Variants in WDFY3 observed in about 807,000 individuals in gnomAD.
WDFY3 encodes WD repeat and FYVE domain containing 3.
A neutral mutation model predicts 409.6 loss-of-function variants in WDFY3; 66 were observed. The ratio of observed to expected loss-of-function variants is 0.16; its 90% CI spans 0.13 to 0.20. The LOEUF (loss-of-function observed/expected upper bound fraction) is 0.20, where lower values mean the gene tolerates loss of function less well. Among genes scored for constraint, WDFY3 ranks in the 10% least tolerant of loss-of-function variants. The probability of loss-of-function intolerance (pLI) is 1.00; values close to 1 mark genes in which losing one functional copy is unlikely to be tolerated. For missense variants in WDFY3, 3,031 were observed against 4,298.1 expected (o/e 0.71, Z 8.24); for synonymous variants, 1,521 against 1,537.1 (o/e 0.99, Z 0.25).
chr4:84,947,251 G>A (rs1772974993), intron 1 of WDFY3, among the ~76,000 whole-genome samples: 3 of 151,346 alleles, frequency 2.0e-5, no homozygotes, highest in African/African-American at 7.3e-5. Context: ...AGTGACTTAT[G>A]CCTGTAATCC....
chr4:84,738,882 T>C, intron 40 of WDFY3, 128 bp downstream of exon 40: 2 of 773,788 alleles, frequency 2.6e-6, no homozygotes, highest in African/African-American at 1.7e-5. Flanking sequence ...ACTCTTTATG[T>C]ATAGGTTGCC....
chr4:84,934,545 T>A (rs754059063), intron 1 of WDFY3, among the ~76,000 whole-genome samples: 1 of 152,142 alleles, frequency 6.6e-6, no homozygotes, highest in Non-Finnish European at 1.5e-5. Flanking sequence ...ACAAGATAAT[T>A]CTAGTGAAAT....
At chr4:84,677,079 A>G (rs1437777495) in intron 67 of WDFY3, 120 bp downstream of exon 67, 2 of 1,160,110 alleles carry the variant, frequency 1.7e-6, no homozygotes, top group Admixed American at 5.6e-5. Flanking sequence ...AGACTGGTTC[A>G]TACCAACAAG....
At chr4:84,730,930 T>C (rs113207410) in intron 44 of WDFY3, among the ~76,000 whole-genome samples, 2 of 152,200 alleles carry the variant, frequency 1.3e-5, no homozygotes, top group African/African-American at 4.8e-5. Context: ...CCCGAGTAGC[T>C]GGGATTACAG....
chr4:84,914,449 A>AAAAC (rs1561065616), intron 2 of WDFY3, among the ~76,000 whole-genome samples: 10 of 151,952 alleles, frequency 6.6e-5, no homozygotes, highest in African/African-American at 2.4e-4. Context: ...CAAAACAAAA[A>AAAAC]AAAATAGGTT....
intron 49 of WDFY3, among the ~76,000 whole-genome samples, chr4:84,716,299 C>T (rs1201630665): frequency 3.3e-5 from 5 of 150,720 alleles, no homozygotes; most frequent in African/African-American, 9.8e-5. Context: ...ATTAGCTGGG[C>T]GTGGTGGCAG....
intron 7 of WDFY3, among the ~76,000 whole-genome samples, chr4:84,833,469 G>A (rs146532271): frequency 1.3e-5 from 2 of 152,130 alleles, no homozygotes; most frequent in African/African-American, 4.8e-5. Context: ...TTGAGTCCAG[G>A]AGTTTGAGAC....
chr4:84,681,740 C>A (rs186142911), intron 64 of WDFY3, among the ~76,000 whole-genome samples: 1 of 152,144 alleles, frequency 6.6e-6, no homozygotes, highest in Admixed American at 6.6e-5. Context: ...TCAAAGGGGG[C>A]GGCTTCTTCA....
At position 84,691,682 on chromosome 4, in the gene WDFY3, A is replaced by T; in HGVS notation, c.9153T>A (p.Ala3051=). The change falls in exon 60 of 68, where the codon GCT becomes GCA. Residue 3051 remains alanine, a synonymous_variant. Transcript: ENST00000295888. ...TGCAACTGAGGTCTGCATAGCCCCA[A>T]GCAAAAGTTTTATTCCAGGTTGGTG... The part of the protein sequence containing the change: ...LIPPTWNKTF[A]WGYADLSCRL... 6.2e-7 allele frequency: 1 copy of T among 1,614,146 alleles called. No homozygotes were observed. The highest frequency in any genetic ancestry group is 2.2e-5 in the East Asian group (1 of 44,858).
chr4:84,674,201 A>G (rs1725876624), intron 67 of WDFY3, among the ~76,000 whole-genome samples: 1 of 152,226 alleles, frequency 6.6e-6, no homozygotes, highest in African/African-American at 2.4e-5. Flanking sequence ...CCTATATTTA[A>G]ACAATATTTT....
intron 2 of WDFY3, among the ~76,000 whole-genome samples, chr4:84,914,147 T>C (rs374589084): frequency 2.6e-5 from 4 of 152,100 alleles, no homozygotes; most frequent in East Asian, 3.9e-4. Context: ...TAGGGCCGGG[T>C]GTGGTGGTTC....
At chr4:84,904,910 A>G (rs568365807) in intron 2 of WDFY3, among the ~76,000 whole-genome samples, 190 of 152,336 alleles carry the variant, frequency 1.2e-3, no homozygotes, top group African/African-American at 4.5e-3. Context: ...AGGCCAAGGC[A>G]GGCGGATCAC....
chr4:84,946,611 A>G (rs780266379), intron 1 of WDFY3, among the ~76,000 whole-genome samples: 1 of 152,080 alleles, frequency 6.6e-6, no homozygotes, highest in Non-Finnish European at 1.5e-5. Flanking sequence ...GAGACAGGAA[A>G]AGCAGTGGTT....
intron 2 of WDFY3, among the ~76,000 whole-genome samples, chr4:84,926,210 GAA>G (rs1367582174): frequency 5.6e-5 from 4 of 71,558 alleles, no homozygotes; most frequent in African/African-American, 9.5e-5. Context: ...GTCTCTAAAA[GAA>G]AAAAAAAAAA....
chr4:84,758,603 T>C (rs1326325537), intron 32 of WDFY3, among the ~76,000 whole-genome samples: 2 of 152,198 alleles, frequency 1.3e-5, no homozygotes, highest in Non-Finnish European at 2.9e-5. Flanking sequence ...AAAGTACATA[T>C]TACAACTGCT....
intron 3 of WDFY3, among the ~76,000 whole-genome samples, chr4:84,885,151 C>G (rs1057204531): frequency 6.6e-6 from 1 of 151,986 alleles, no homozygotes. Flanking sequence ...CAGGCGTGCA[C>G]CACCATGCCT....
intron 7 of WDFY3, among the ~76,000 whole-genome samples, chr4:84,834,597 G>C (rs964955143): frequency 6.6e-6 from 1 of 152,114 alleles, no homozygotes; most frequent in Non-Finnish European, 1.5e-5. Context: ...GTTGCAGTGA[G>C]CCAAGATCGC....
intron 3 of WDFY3, among the ~76,000 whole-genome samples, chr4:84,872,402 T>C (rs1181403162): frequency 6.6e-6 from 1 of 151,164 alleles, no homozygotes; most frequent in Non-Finnish European, 1.5e-5. Flanking sequence ...GAGGCAGAGG[T>C]TGCAGTGAGC....
intron 21 of WDFY3, among the ~76,000 whole-genome samples, chr4:84,791,536 CAACAATAATGTGTTGTT>C (rs1221649041): frequency 1.3e-5 from 2 of 152,100 alleles, no homozygotes; most frequent in Non-Finnish European, 2.9e-5. Flanking sequence ...TGTTGTATAA[CAACAATAATGTGTTGTT>C]AACTTTTTGA....
Sources: gnomAD v4.1 joint callset for allele counts (sites outside exome capture counted in the v4.1 genomes callset) on GRCh38, gnomAD v4.1.1 for gene constraint, MANE v1.5 for transcripts, NCBI Gene and HGNC (gene_info 2026-07-23, HGNC 2026-07-21) for gene names.